CDK6: variants seen among roughly 807,000 people sequenced by gnomAD.
The protein encoded by CDK6 is cyclin dependent kinase 6, also known as cyclin-dependent kinase 6.
In CDK6, 6 loss-of-function variants were observed where a neutral mutation model predicts 37.1. The ratio of observed to expected loss-of-function variants is 0.16; its 90% CI spans 0.09 to 0.32. The LOEUF is 0.32. CDK6 is among the 10% of genes least tolerant of loss of function. The pLI is 1.00. For missense variants in CDK6, 224 were observed against 418.9 expected, an observed-to-expected ratio of 0.53 and a Z score of 4.06; for synonymous variants, 160 against 161.3, an observed-to-expected ratio of 0.99 and a Z score of 0.06.
At chr7:92,773,219 G>T (rs1799761539) in intron 3 of CDK6, among the ~76,000 whole-genome samples, 2 of 152,132 alleles carry the variant, frequency 1.3e-5, no homozygotes, top group African/African-American at 4.8e-5. Flanking sequence ...CAGAAAACAA[G>T]ATAAAGAGGT....
In CDK6 at chr7:92,787,855, T is replaced by A. The variant is rs554476574; in HGVS notation, c.234-13024A>T. On this transcript the variant is annotated intron_variant, in intron 2 of 7. Transcript: ENST00000424848. ...GTAGAATTCAGTACCCTTTGTAACG[T>A]AACAAGGTGCAAGCAACCAAAATAA... Among the ~76,000 whole-genome samples the A allele has an allele frequency of 5.3e-5, 8 of 152,238 alleles. No homozygotes were observed. In the South Asian group the frequency reaches 1.5e-3, roughly 28 times the overall value.
chr7:92,700,542 T>C (rs770623277), intron 4 of CDK6, among the ~76,000 whole-genome samples: 14 of 152,132 alleles, frequency 9.2e-5, no homozygotes, highest in East Asian at 1.9e-4. Flanking sequence ...TCAGCCTGAA[T>C]AGGGACCCAG....
chr7:92,725,619 C>T lies in CDK6; in HGVS notation c.537+7G>A, dbSNP rs780189099. 2 of 1,609,382 alleles carry T rather than the reference C, an allele frequency of 1.2e-6. No homozygotes were observed. Among genetic ancestry groups the T allele is most frequent in the Non-Finnish European group, 8.5e-7 (1 of 1,178,010 alleles). ...GTTTAATAAAAGGACAGCACTCTCT[C>T]ACTCACCACTGAGGTTAGAGCCATC... On this transcript the variant is annotated splice_region_variant and intron_variant, in intron 4 of 7. Transcript: ENST00000424848.
At chr7:92,747,623 C>T (rs1185136797) in intron 3 of CDK6, among the ~76,000 whole-genome samples, 1 of 152,158 alleles carries the variant, frequency 6.6e-6, no homozygotes, top group East Asian at 1.9e-4. Flanking sequence ...CTTCAATATT[C>T]TAAAAAAATT....
intron 3 of CDK6, among the ~76,000 whole-genome samples, chr7:92,760,885 T>G (rs1264491430): frequency 6.6e-6 from 1 of 152,106 alleles, no homozygotes; most frequent in Non-Finnish European, 1.5e-5. Flanking sequence ...TCATAATGTA[T>G]TTAATCATCC....
intron 7 of CDK6, 32 bp from the exon 8 acceptor site, chr7:92,615,318 TACA>T (rs1795652352): frequency 3.2e-6 from 3 of 943,640 alleles, no homozygotes; most frequent in African/African-American, 1.6e-5. Context: ...TTGGTTGATA[TACA>T]ATACATCAAT....
In CDK6 at chr7:92,691,816, A is replaced by T. The variant is rs117094482; in HGVS notation, c.538-20281T>A. Among the ~76,000 whole-genome samples, 1,096 of 152,354 alleles carry T rather than the reference A, an allele frequency of 7.2e-3. 8 individuals are homozygous for T. The highest frequency in any genetic ancestry group is 0.014 in the Middle Eastern group (4 of 294). ...GATAAAAAAGAAAATTTGAGTACTG[A>T]GACACAGATGTCAAATACAGGGAAG... On this transcript the variant is annotated intron_variant, in intron 4 of 7. Coordinates refer to ENST00000424848, the MANE Select transcript of CDK6 (RefSeq NM_001145306.2).
intron 4 of CDK6, among the ~76,000 whole-genome samples, chr7:92,679,868 G>A (rs1201006014): frequency 6.6e-6 from 1 of 151,704 alleles, no homozygotes; most frequent in African/African-American, 2.4e-5. Flanking sequence ...TTACAGGCGT[G>A]CACCACCATG....
At chr7:92,688,087 A>T (rs1797504552) in intron 4 of CDK6, among the ~76,000 whole-genome samples, 1 of 152,064 alleles carries the variant, frequency 6.6e-6, no homozygotes, top group Admixed American at 6.6e-5. Context: ...TGCTTTGAAC[A>T]TTTTTGTACA....
intron 4 of CDK6, among the ~76,000 whole-genome samples, chr7:92,688,788 C>G (rs1797529527): frequency 1.3e-5 from 2 of 152,274 alleles, no homozygotes; most frequent in South Asian, 4.1e-4. Flanking sequence ...TCATTATACA[C>G]TAAACATAGA....
intron 4 of CDK6, among the ~76,000 whole-genome samples, chr7:92,684,058 T>C (rs1250161140): frequency 1.3e-5 from 2 of 152,226 alleles, no homozygotes; most frequent in African/African-American, 4.8e-5. Flanking sequence ...GCACAGAAGA[T>C]GTAATGTACT....
chr7:92,827,150 AAAC>A (rs1253448031), intron 2 of CDK6, among the ~76,000 whole-genome samples: 4 of 152,172 alleles, frequency 2.6e-5, no homozygotes, highest in African/African-American at 9.7e-5. Flanking sequence ...TGCATTCATA[AAAC>A]AACTCAAATT....
At chr7:92,804,191 T>C (rs968062583) in intron 2 of CDK6, among the ~76,000 whole-genome samples, 5 of 152,234 alleles carry the variant, frequency 3.3e-5, no homozygotes, top group African/African-American at 1.2e-4. Context: ...TGGAATTACC[T>C]AGACCCTTTC....
chr7:92,668,181 T>C (rs1031351898), intron 5 of CDK6, among the ~76,000 whole-genome samples: 2 of 152,212 alleles, frequency 1.3e-5, no homozygotes, highest in African/African-American at 4.8e-5. Context: ...CAATTGCCTA[T>C]GGTAGTCAGT....
At chr7:92,666,417 G>T (rs1796957874) in intron 5 of CDK6, among the ~76,000 whole-genome samples, 1 of 152,212 alleles carries the variant, frequency 6.6e-6, no homozygotes, top group Non-Finnish European at 1.5e-5. Flanking sequence ...TTGTTATAGG[G>T]TTTCCAACAT....
intron 4 of CDK6, among the ~76,000 whole-genome samples, chr7:92,698,236 A>G (rs561988795): frequency 6.6e-6 from 1 of 152,360 alleles, no homozygotes; most frequent in African/African-American, 2.4e-5. Flanking sequence ...ATTATTAGGC[A>G]CCACCAGTTA....
intron 4 of CDK6, among the ~76,000 whole-genome samples, chr7:92,682,456 C>T (rs955719954): frequency 1.3e-5 from 2 of 152,128 alleles, no homozygotes; most frequent in African/African-American, 4.8e-5. Context: ...TTCCTGTGAA[C>T]CTTGCCCTGC....
chr7:92,765,120 G>C (rs114273280), intron 3 of CDK6, among the ~76,000 whole-genome samples: 1 of 151,900 alleles, frequency 6.6e-6, no homozygotes, highest in Non-Finnish European at 1.5e-5. Flanking sequence ...CATACAATTG[G>C]GATATAGGGA....
chr7:92,768,772 A>G (rs964569896), intron 3 of CDK6, among the ~76,000 whole-genome samples: 4 of 152,216 alleles, frequency 2.6e-5, no homozygotes, highest in African/African-American at 9.6e-5. Flanking sequence ...CAGCAGCGAC[A>G]GGGCATTCAA....
Sources: allele counts gnomAD v4.1 joint callset (sites outside exome capture counted in the v4.1 genomes callset), GRCh38; gene constraint gnomAD v4.1.1; transcripts MANE v1.5; gene names NCBI Gene and HGNC (gene_info 2026-07-23, HGNC 2026-07-21).